Variants in KCNN1 observed in about 807,000 individuals in gnomAD.
KCNN1 encodes the protein small conductance calcium-activated potassium channel protein 1.
In KCNN1, 20 loss-of-function variants were observed where a neutral mutation model predicts 44.7. That is an observed-to-expected ratio of 0.45 (90% CI 0.32 to 0.65). The LOEUF (loss-of-function observed/expected upper bound fraction) is 0.65. KCNN1 is among the 30% of genes least tolerant of loss of function. KCNN1 has a pLI of 0.05. For missense variants in KCNN1, 632 were observed against 785.3 expected (o/e 0.80, Z 2.33); for synonymous variants, 324 against 341.7 (o/e 0.95, Z 0.57).
intron 1 of KCNN1, among the ~76,000 whole-genome samples, chr19:17,970,272 T>C (rs2145919616): frequency 7.5e-6 from 1 of 133,512 alleles, no homozygotes; most frequent in African/African-American, 2.7e-5. Flanking sequence ...TGAGGTCACC[T>C]GACCATAGAA....
At chr19:17,992,630 C>T (rs896942587) in intron 7 of KCNN1, among the ~76,000 whole-genome samples, 3 of 152,028 alleles carry the variant, frequency 2.0e-5, no homozygotes, top group Non-Finnish European at 4.4e-5. Flanking sequence ...TCAAAAGGGG[C>T]GAGGGCATAC....
intron 5 of KCNN1, among the ~76,000 whole-genome samples, chr19:17,986,861 C>T (rs2032616010): frequency 6.6e-6 from 1 of 152,138 alleles, no homozygotes; most frequent in South Asian, 2.1e-4. Flanking sequence ...GCCTGGAGTG[C>T]AACGGCACGA....
upstream of KCNN1, among the ~76,000 whole-genome samples, chr19:17,963,157 G>T (rs963337214): frequency 6.6e-6 from 1 of 151,112 alleles, no homozygotes; most frequent in Non-Finnish European, 1.5e-5. Context: ...ACAGGCGCCC[G>T]CCACCACGCC....
chr19:17,985,885 G>A lies in KCNN1; in HGVS notation c.1059+432G>A, dbSNP rs187121973. On this transcript the variant is annotated intron_variant, in intron 5 of 9. Coordinates refer to ENST00000684775, the MANE Select transcript of KCNN1 (RefSeq NM_001386974.1). ...TCCTCTGCTTTGCAAGGGCTAAGTCGGTTATTTATGTGAGAATCCCAGAAC... is the reference window on the plus strand; with the variant it reads ...TCCTCTGCTTTGCAAGGGCTAAGTCAGTTATTTATGTGAGAATCCCAGAAC... Among the ~76,000 whole-genome samples the A allele has an allele frequency of 8.8e-4, 134 of 152,314 alleles. 1 individual carries two copies. The highest frequency in any genetic ancestry group is 3.0e-3 in the African/African-American group (126 of 41,562).
At chr19:17,952,296 G>A (rs1412989852) in intron 1 of KCNN1, 1 of 152,214 alleles carries the variant, frequency 6.6e-6, no homozygotes, top group African/African-American at 2.4e-5. Flanking sequence ...TTCGCGCTCG[G>A]GCAGGGCGCA....
chr19:17,952,113 G>T (rs536268101), intron 1 of KCNN1: 10 of 152,180 alleles, frequency 6.6e-5, no homozygotes, highest in East Asian at 5.8e-4. Flanking sequence ...ACGCCTTGCG[G>T]GGGGGAGGGC....
At position 17,967,212 on chromosome 19, in the gene KCNN1, C is replaced by A; in HGVS notation, c.-187C>A. On this transcript the variant is annotated 5_prime_UTR_variant, in exon 1 of 10. An upstream open reading frame in the 5' UTR gains an earlier in-frame stop. Coordinates refer to ENST00000684775, the MANE Select transcript of KCNN1 (RefSeq NM_001386974.1). ...CGGGCCCCGCGCCCGCTCGCTGCTG[C>A]CCGCCCCGTCCGCGACCCCGGCTCC... 1.0e-6 allele frequency: 1 copy of A among 964,328 alleles called. No individual in the cohort carries two copies. Among genetic ancestry groups the A allele is most frequent in the Non-Finnish European group, 1.2e-6 (1 of 811,982 alleles). The allele number at this position is 964,328 out of a possible 1,614,324, so 59.7% of individuals were successfully genotyped here.
upstream of KCNN1, among the ~76,000 whole-genome samples, chr19:17,964,339 C>G (rs1392047126): frequency 6.6e-6 from 1 of 152,156 alleles, no homozygotes; most frequent in Non-Finnish European, 1.5e-5. The surrounding 1 kb of genome is among the most constrained non-coding windows in gnomAD (Gnocchi z 4.3). Flanking sequence ...GCTCCGGCCA[C>G]TACCTTTGTG....
chr19:17,968,428 G>A (rs561330251), intron 1 of KCNN1, among the ~76,000 whole-genome samples: 2 of 152,068 alleles, frequency 1.3e-5, no homozygotes, highest in African/African-American at 4.8e-5. Context: ...GGGGGGGTGG[G>A]GGGGAGGCAC....
intron 3 of KCNN1, among the ~76,000 whole-genome samples, chr19:17,979,864 G>GAA (rs201626682): frequency 6.7e-6 from 1 of 149,360 alleles, no homozygotes. Flanking sequence ...CGTGAAAAAG[G>GAA]AAAAAAAAAG....
Position 17,967,245 on chromosome 19 carries a change from G to T in KCNN1, c.-154G>T, listed in dbSNP as rs2031845307. On this transcript the variant is annotated 5_prime_UTR_variant, in exon 1 of 10. Coordinates refer to ENST00000684775, the MANE Select transcript of KCNN1 (RefSeq NM_001386974.1). Reference sequence around the variant, plus strand: ...GTCCGCGACCCCGGCTCCGGCTCCCGACTGGGGGTCCGCGGCCGCGCGGGA... The same window carrying T: ...GTCCGCGACCCCGGCTCCGGCTCCCTACTGGGGGTCCGCGGCCGCGCGGGA... The T allele has an allele frequency of 6.1e-6, 6 of 981,772 alleles. No individual in the cohort carries two copies. Among genetic ancestry groups the T allele is most frequent in the South Asian group, 9.4e-5 (2 of 21,326 alleles). The allele number at this position is 981,772 out of a possible 1,614,324, so 60.8% of individuals were successfully genotyped here.
intron 3 of KCNN1, among the ~76,000 whole-genome samples, chr19:17,977,107 A>C (rs1427487086): frequency 6.6e-6 from 1 of 152,142 alleles, no homozygotes; most frequent in Non-Finnish European, 1.5e-5. Context: ...TCAAGGCGTT[A>C]GCAGGGTTGG....
intron 4 of KCNN1, among the ~76,000 whole-genome samples, chr19:17,984,978 C>T (rs1250575061): frequency 6.6e-6 from 1 of 152,124 alleles, no homozygotes; most frequent in Non-Finnish European, 1.5e-5. Flanking sequence ...GTCCTGAATT[C>T]TTGCCTCCAC....
chr19:17,968,612 T>A (rs185602150), intron 1 of KCNN1, among the ~76,000 whole-genome samples: 306 of 152,120 alleles, frequency 2.0e-3, no homozygotes, highest in African/African-American at 7.1e-3. Context: ...CATGTCCTGT[T>A]GGGTGGGGAA....
intron 2 of KCNN1, among the ~76,000 whole-genome samples, chr19:17,959,826 T>G (rs908630782): frequency 6.6e-6 from 1 of 152,140 alleles, no homozygotes; most frequent in Non-Finnish European, 1.5e-5. Context: ...GGCTCAGGCC[T>G]ATAATCCTAG....
At position 17,973,966 on chromosome 19, in the gene KCNN1, G is replaced by T; in HGVS notation, c.78G>T (p.Pro26=). ...CGGGCGCCCTGGGACGAGACCCTCC[G>T]GACCCTGAGGCCGGCCACCCCCCAC... ...SGPGALGRDP[P]DPEAGHPPQP... Residue 26 remains proline (P), a synonymous_variant, in exon 2 of 10, where the codon CCG becomes CCT. Coordinates refer to ENST00000684775, the MANE Select transcript of KCNN1 (RefSeq NM_001386974.1). 1 of 1,565,206 alleles carries T rather than the reference G, an allele frequency of 6.4e-7. No homozygotes were observed. Among genetic ancestry groups the T allele is most frequent in the Non-Finnish European group, 8.6e-7 (1 of 1,157,304 alleles).
At position 17,959,872 on chromosome 19, in the gene KCNN1, C is replaced by T. The variant is rs546542533; in HGVS notation, c.-82+5191C>T. 1.5e-3 allele frequency among the ~76,000 whole-genome samples: 223 copies of T among 151,790 alleles called. 2 individuals carry two copies. The highest frequency in any genetic ancestry group is 6.8e-3 in the Middle Eastern group (2 of 294). On this transcript the variant is annotated intron_variant, in intron 2 of 10. Transcript: ENST00000222249. ...GGCTGAGGTGGGCGGATCACGAGGT[C>T]GGGAGTTTGAGACCAGCCTGGCCAT...
rs544092939 is a variant in KCNN1, at chr19:17,989,718, A to G, written c.1173A>G (p.Val391=). Residue 391 remains valine (V), a splice_region_variant and synonymous_variant, in exon 7 of 10, where the codon GTA becomes GTG. Transcript: ENST00000684775. ...AATTGTTCTTTTTCTGGCCCCAGGT[A>G]AAAAACGCCGCTGCTAACGTTCTCA... is the stretch of plus-strand genomic sequence containing the variant. The part of the protein sequence containing the change: ...FMMDTQLTKR[V]KNAAANVLRE... The G allele has an allele frequency of 1.9e-6, 3 of 1,613,842 alleles. No homozygotes were observed. Among genetic ancestry groups the G allele is most frequent in the South Asian group, 1.1e-5 (1 of 91,070 alleles).
intron 1 of KCNN1, among the ~76,000 whole-genome samples, chr19:17,951,663 GAGA>G (rs2031411471): frequency 1.3e-5 from 2 of 152,312 alleles, no homozygotes; most frequent in African/African-American, 4.8e-5. Context: ...CAATGAAATA[GAGA>G]AGTTTTCTGT....
Sources: gnomAD v4.1 joint callset for allele counts (sites outside exome capture counted in the v4.1 genomes callset) on GRCh38, gnomAD v4.1.1 for gene constraint, Gnocchi (gnomAD v3.1) non-coding constraint, MANE v1.5 for transcripts, NCBI Gene and HGNC (gene_info 2026-07-23, HGNC 2026-07-21) for gene names.